Variants in SLCO3A1 observed in about 807,000 individuals in gnomAD.
SLCO3A1 encodes the protein solute carrier organic anion transporter family member 3A1, also known as PGE1 transporter.
In SLCO3A1, 27 loss-of-function variants were observed where a neutral mutation model predicts 63.1. The ratio of observed to expected loss-of-function variants is 0.43; its 90% CI spans 0.32 to 0.59. The LOEUF (loss-of-function observed/expected upper bound fraction) is 0.59, where lower values mean the gene tolerates loss of function less well. Among genes scored for constraint, SLCO3A1 ranks in the 20% least tolerant of loss-of-function variants. The pLI, the probability that SLCO3A1 is intolerant of heterozygous loss-of-function variation, is 0.09. For synonymous variants in SLCO3A1, 473 were observed against 409.9 expected, an observed-to-expected ratio of 1.15 and a Z score of -1.86; for missense variants, 773 against 945.8, an observed-to-expected ratio of 0.82 and a Z score of 2.40.
At chr15:92,168,658 G>A (rs903144470), downstream of SLCO3A1, among the ~76,000 whole-genome samples, 1 of 152,158 alleles carries the variant, frequency 6.6e-6, no homozygotes, top group African/African-American at 2.4e-5. Flanking sequence ...ATGGGCCAGG[G>A]CATACATAGG....
intron 1 of SLCO3A1, among the ~76,000 whole-genome samples, chr15:91,869,522 G>GA (rs67400392): frequency 0.78 from 112,715 of 144,156 alleles, 44,047 homozygotes; most frequent in East Asian, 0.88. Flanking sequence ...TGTCTCAAAG[G>GA]AAAAAAAAAA....
At chr15:91,877,715 C>T (rs776769749) in intron 1 of SLCO3A1, among the ~76,000 whole-genome samples, 3 of 152,048 alleles carry the variant, frequency 2.0e-5, no homozygotes, top group Non-Finnish European at 4.4e-5. Flanking sequence ...GTTTTGAAGG[C>T]TAGGCTCAAT....
intron 1 of SLCO3A1, among the ~76,000 whole-genome samples, chr15:91,878,053 C>T (rs1897445922): frequency 6.7e-6 from 1 of 149,128 alleles, no homozygotes; most frequent in Non-Finnish European, 1.5e-5. Flanking sequence ...ATGAAACCAT[C>T]ATCAGGTGGC....
At chr15:92,137,010 A>T in intron 7 of SLCO3A1, among the ~76,000 whole-genome samples, 1 of 146,246 alleles carries the variant, frequency 6.8e-6, no homozygotes. Context: ...TTTAGGGTAC[A>T]TGTGCACATT....
At position 91,967,767 on chromosome 15, in the gene SLCO3A1, A is replaced by G. The variant is rs987052884; in HGVS notation, c.646+51309A>G. On this transcript the variant is annotated intron_variant, in intron 2 of 9. Coordinates refer to ENST00000318445, the MANE Select transcript of SLCO3A1 (RefSeq NM_013272.4). The surrounding 1 kb of genome is among the most constrained non-coding windows in gnomAD (Gnocchi z 4.4). ...TGGCTGTGTTGTTTTCAAACAGCCT[A>G]CTTTTGGGGAACCACGAGGACGTAG... is the stretch of plus-strand genomic sequence containing the variant. Among the ~76,000 whole-genome samples the G allele has an allele frequency of 3.3e-5, 5 of 152,174 alleles. No individual in the cohort carries two copies. Among genetic ancestry groups the G allele is most frequent in the African/African-American group, 7.2e-5 (3 of 41,440 alleles).
intron 2 of SLCO3A1, among the ~76,000 whole-genome samples, chr15:91,951,304 T>C (rs180770520): frequency 1.4e-4 from 21 of 152,350 alleles, no homozygotes; most frequent in Non-Finnish European, 2.6e-4. Flanking sequence ...TTAATATACA[T>C]GGAATCAGTG....
chr15:91,987,386 G>A (rs1003830881), intron 2 of SLCO3A1, among the ~76,000 whole-genome samples: 9 of 152,056 alleles, frequency 5.9e-5, no homozygotes, highest in South Asian at 4.2e-4. Context: ...GGGATACAAC[G>A]GTGAACAAGA....
chr15:91,854,414 A>T lies in SLCO3A1; in HGVS notation c.180+326A>T. 9.7e-7 allele frequency: 1 copy of T among 1,025,696 alleles called. No individual in the cohort carries two copies. The highest frequency in any genetic ancestry group is 1.2e-6 in the Non-Finnish European group (1 of 853,040). The allele number at this position is 1,025,696 out of a possible 1,614,324, so 63.5% of individuals were successfully genotyped here. ...CCCATAAGAGCGGAGCGAGACGGTG[A>T]GTTCAGGGTTCTCCTTGGAGAGGAA... On this transcript the variant is annotated intron_variant, in intron 1 of 9. Coordinates refer to ENST00000318445, the MANE Select transcript of SLCO3A1 (RefSeq NM_013272.4). This position sits in a 1 kb window ranked among gnomAD's most constrained non-coding sequence, Gnocchi z 6.4.
At chr15:92,157,403 G>C (rs1022286017) in intron 9 of SLCO3A1, among the ~76,000 whole-genome samples, 2 of 151,682 alleles carry the variant, frequency 1.3e-5, no homozygotes, top group African/African-American at 4.9e-5. Flanking sequence ...CAAAACCAGA[G>C]AGGACACTAA....
intron 1 of SLCO3A1, among the ~76,000 whole-genome samples, chr15:91,909,379 A>G (rs551028587): frequency 1.3e-5 from 2 of 152,288 alleles, no homozygotes; most frequent in African/African-American, 4.8e-5. Flanking sequence ...ATGGTGGTAG[A>G]GTTGAGTAGC....
chr15:92,002,995 C>G (rs865795256), intron 2 of SLCO3A1, among the ~76,000 whole-genome samples: 2 of 152,124 alleles, frequency 1.3e-5, no homozygotes, highest in Non-Finnish European at 2.9e-5. Flanking sequence ...GCTTATCTCA[C>G]GGAGTATTAT....
chr15:92,085,561 G>A (rs1047462876), intron 2 of SLCO3A1, among the ~76,000 whole-genome samples: 4 of 152,198 alleles, frequency 2.6e-5, no homozygotes, highest in Non-Finnish European at 5.9e-5. Context: ...TCCAACTGGC[G>A]TCACACAGCA....
chr15:92,006,281 G>A (rs2046312060), intron 2 of SLCO3A1, among the ~76,000 whole-genome samples: 1 of 152,140 alleles, frequency 6.6e-6, no homozygotes, highest in Admixed American at 6.5e-5. Context: ...AGAGCAGATG[G>A]TCTGCCTGAC....
chr15:91,965,537 C>G (rs1361396106), intron 2 of SLCO3A1, among the ~76,000 whole-genome samples: 1 of 152,196 alleles, frequency 6.6e-6, no homozygotes, highest in East Asian at 1.9e-4. Context: ...CACCCCACCC[C>G]CTAACTTCCC....
intron 2 of SLCO3A1, among the ~76,000 whole-genome samples, chr15:92,031,081 C>G (rs933977215): frequency 7.9e-5 from 12 of 152,004 alleles, no homozygotes; most frequent in Non-Finnish European, 1.6e-4. Context: ...CCAATGTCTG[C>G]TATGCTTTTA....
At chr15:92,148,726 T>G (rs1272845087) in intron 8 of SLCO3A1, 1 of 152,042 alleles carries the variant, frequency 6.6e-6, no homozygotes, top group African/African-American at 2.4e-5. Flanking sequence ...AAGTACTCCT[T>G]TACAAGAAGA....
At chr15:92,148,060 T>C (rs1344435009) in intron 8 of SLCO3A1, among the ~76,000 whole-genome samples, 4 of 152,108 alleles carry the variant, frequency 2.6e-5, no homozygotes, top group Non-Finnish European at 5.9e-5. Context: ...CTACAAAAAG[T>C]AGCAGGGCGT....
intron 9 of SLCO3A1, chr15:92,153,475 G>A (rs1278442647): frequency 6.6e-6 from 1 of 152,158 alleles, no homozygotes; most frequent in Non-Finnish European, 1.5e-5. Flanking sequence ...CTTAGCATTT[G>A]GCCTAATTCC....
At chr15:92,073,171 C>G (rs192164941) in intron 2 of SLCO3A1, among the ~76,000 whole-genome samples, 12 of 152,244 alleles carry the variant, frequency 7.9e-5, no homozygotes, top group African/African-American at 2.9e-4. Context: ...CCTGGAGTTT[C>G]CACAAGACCA....
Sources: gnomAD v4.1 joint callset for allele counts (sites outside exome capture counted in the v4.1 genomes callset) on GRCh38, gnomAD v4.1.1 for gene constraint, Gnocchi (gnomAD v3.1) non-coding constraint, MANE v1.5 for transcripts, NCBI Gene and HGNC (gene_info 2026-07-23, HGNC 2026-07-21) for gene names.